The following TENT4A variants were observed in gnomAD, a reference collection of about 807,000 sequenced individuals.
TENT4A encodes the protein DNA polymerase kappa.
In TENT4A, 7 loss-of-function variants were observed where a neutral mutation model predicts 72.8. The observed-to-expected ratio is 0.10, with a 90% confidence interval of 0.05 to 0.18. The LOEUF (loss-of-function observed/expected upper bound fraction) is 0.18, where lower values mean the gene tolerates loss of function less well. Among genes scored for constraint, TENT4A ranks in the 10% least tolerant of loss-of-function variants. The probability of loss-of-function intolerance (pLI) is 1.00; values close to 1 mark genes in which losing one functional copy is unlikely to be tolerated. For synonymous variants in TENT4A, 456 were observed against 434.3 expected, an observed-to-expected ratio of 1.05 and a Z score of -0.62; for missense variants, 831 against 1,017.7, an observed-to-expected ratio of 0.82 and a Z score of 2.50.
In TENT4A at chr5:6,751,099, G is replaced by T. The variant is rs1354892393; in HGVS notation, c.1921G>T (p.Ala641Ser). 1 of 1,614,192 alleles carries T rather than the reference G, an allele frequency of 6.2e-7. No individual in the cohort carries two copies. The highest frequency in any genetic ancestry group is 8.5e-7 in the Non-Finnish European group (1 of 1,180,024). Reference protein sequence around the residue: ...SVYQFSLQAPAPLMAGLPTAL... With the variant: ...SVYQFSLQAPSPLMAGLPTAL... ...TTACCAGTTCAGTCTGCAAGCGCCAGCTCCTCTCATGGCCGGCTTACCCAC... is the reference window on the plus strand; with the variant it reads ...TTACCAGTTCAGTCTGCAAGCGCCATCTCCTCTCATGGCCGGCTTACCCAC... The change falls in exon 11 of 13, where the codon GCT becomes TCT. Residue 641 changes from alanine to serine, a missense_variant. This residue lies in a region of TENT4A where 332 missense variants were observed against 324.3 expected (regional missense o/e 1.02). Transcript: ENST00000230859.
chr5:6,732,577 G>A (rs964740872), intron 1 of TENT4A, among the ~76,000 whole-genome samples: 5 of 152,136 alleles, frequency 3.3e-5, no homozygotes, highest in Non-Finnish European at 7.4e-5. Flanking sequence ...ATTACCTTTC[G>A]ATGGGTTTGG....
rs369670084 is a variant in TENT4A, at chr5:6,754,739, C to G, written c.2185-12C>G. The G allele has an allele frequency of 2.2e-5, 34 of 1,560,582 alleles. No homozygotes were observed. Among genetic ancestry groups the G allele is most frequent in the Non-Finnish European group, 2.6e-5 (30 of 1,144,096 alleles). On this transcript the variant is annotated splice_polypyrimidine_tract_variant and intron_variant, in intron 12 of 12. Coordinates refer to ENST00000230859, the MANE Select transcript of TENT4A (RefSeq NM_006999.6). ...GTCTGGCTCCAACACTGCTGTCTCT[C>G]TCTTTCTCCAGCAGCACAACGGCAT... is the stretch of plus-strand genomic sequence containing the variant.
intron 1 of TENT4A, among the ~76,000 whole-genome samples, chr5:6,727,097 GTGT>G (rs1740970181): frequency 2.0e-5 from 3 of 152,238 alleles, no homozygotes; most frequent in African/African-American, 7.2e-5. Flanking sequence ...CTTTCTCGAT[GTGT>G]CCTTACTCGG....
intron 1 of TENT4A, chr5:6,715,185 T>G (rs1740304018): frequency 6.6e-6 from 1 of 152,274 alleles, no homozygotes; most frequent in Admixed American, 6.5e-5. Flanking sequence ...AGGTGATTCA[T>G]TTTTTGGGGG....
rs369370108 is a variant in TENT4A at position 6,716,050 on chromosome 5, G to C, written c.716+1351G>C. 1.4e-4 allele frequency among the ~76,000 whole-genome samples: 22 copies of C among 152,248 alleles called. No individual in the cohort carries two copies. The East Asian group carries it at 2.3e-3, about 16-fold the overall frequency. On this transcript the variant is annotated intron_variant, in intron 1 of 12. Coordinates refer to ENST00000230859, the MANE Select transcript of TENT4A (RefSeq NM_006999.6). ...ACTGGAATGGACTCCGTTTCTCTTA[G>C]CACTAGAAAAAACAGGAAGACACGT...
At chr5:6,753,950 G>A (rs570707507) in intron 12 of TENT4A, among the ~76,000 whole-genome samples, 11 of 152,256 alleles carry the variant, frequency 7.2e-5, no homozygotes, top group African/African-American at 2.4e-4. Context: ...TGTTTTTCTT[G>A]CTCTGAGACT....
intron 12 of TENT4A, among the ~76,000 whole-genome samples, chr5:6,753,341 T>TTC (rs1173723076): frequency 2.0e-4 from 30 of 152,258 alleles, no homozygotes; most frequent in African/African-American, 7.2e-4. Flanking sequence ...ATTTACATAA[T>TTC]TCATTTATAT....
intron 1 of TENT4A, among the ~76,000 whole-genome samples, chr5:6,727,517 G>A (rs550078362): frequency 2.0e-5 from 3 of 152,298 alleles, no homozygotes; most frequent in South Asian, 2.1e-4. Flanking sequence ...CGCTGCTTGG[G>A]CTGTGCTGGT....
chr5:6,742,749 T>C (rs1424748305), intron 5 of TENT4A, 152 bp downstream of exon 5: 1 of 578,432 alleles, frequency 1.7e-6, no homozygotes, highest in Admixed American at 3.2e-5. Context: ...ATATTATTTC[T>C]AGAGATACTT....
chr5:6,753,145 C>T (rs370380605), intron 12 of TENT4A, 108 bp downstream of exon 12: 33 of 1,161,440 alleles, frequency 2.8e-5, no homozygotes, highest in East Asian at 4.9e-5. Context: ...CATTTGAAAA[C>T]GGAATTTGCT....
chr5:6,746,558 A>T, intron 7 of TENT4A, 131 bp downstream of exon 7: 1 of 696,062 alleles, frequency 1.4e-6, no homozygotes, highest in Non-Finnish European at 2.4e-6. Context: ...CTCTTATACT[A>T]ACCAGTTAAT....
At chr5:6,746,924 T>A (rs1742135643) in intron 7 of TENT4A, among the ~76,000 whole-genome samples, 1 of 152,210 alleles carries the variant, frequency 6.6e-6, no homozygotes, top group African/African-American at 2.4e-5. Flanking sequence ...TTGTGTTTTG[T>A]CGTGAGGATT....
At chr5:6,717,868 CCT>C (rs1393336887) in intron 1 of TENT4A, among the ~76,000 whole-genome samples, 1 of 152,204 alleles carries the variant, frequency 6.6e-6, no homozygotes, top group African/African-American at 2.4e-5. Context: ...GCTTTGGAAA[CCT>C]CTTCAGGTTA....
In TENT4A at chr5:6,714,222, C is replaced by A. The variant is rs1740240363; in HGVS notation, c.239C>A (p.Ala80Glu). 1.0e-6 allele frequency: 1 copy of A among 986,288 alleles called. No individual in the cohort carries two copies. The highest frequency in any genetic ancestry group is 1.8e-5 in the African/African-American group (1 of 56,496). The allele number at this position is 986,288 out of a possible 1,614,324, so 61.1% of individuals were successfully genotyped here. ...AASPPPPGPT[A>E]PAALPPALLT... ...TCGCCCCCGCCGCCCGGCCCCACCGCGCCCGCCGCGCTGCCCCCCGCGCTG... is the reference window on the plus strand; with the variant it reads ...TCGCCCCCGCCGCCCGGCCCCACCGAGCCCGCCGCGCTGCCCCCCGCGCTG... The change falls in exon 1 of 13, where the codon GCG becomes GAG. Residue 80 changes from alanine to glutamate, a missense_variant. This residue lies in a region of TENT4A where 302 missense variants were observed against 293.8 expected (regional missense o/e 1.03). Transcript: ENST00000230859.
rs1382721418 is a variant in TENT4A at position 6,714,550 on chromosome 5, A to G, written c.567A>G (p.Lys189=). ...SQHQFHPGRR[K]RENKASTYGL... ...ACCAGTTCCACCCGGGTCGCCGGAA[A>G]CGCGAGAACAAGGCCAGCACCTACG... Residue 189 remains lysine, a synonymous_variant, in exon 1 of 13, where the codon AAA becomes AAG. Coordinates refer to ENST00000230859, the MANE Select transcript of TENT4A (RefSeq NM_006999.6). The G allele has an allele frequency of 1.2e-5, 14 of 1,196,504 alleles. No homozygotes were observed. The highest frequency in any genetic ancestry group is 1.3e-5 in the Non-Finnish European group (13 of 965,240). 74.1% of individuals were successfully genotyped at this position (1,196,504 alleles called of 1,614,324 possible).
rs1742718455 is a variant in TENT4A at position 6,756,661 on chromosome 5, AAAAATATTT to A, written c.*1729_*1737del. The A allele has an allele frequency of 6.5e-6, 1 of 152,728 alleles. No individual in the cohort carries two copies. Among genetic ancestry groups the A allele is most frequent in the Non-Finnish European group, 1.5e-5 (1 of 68,028 alleles). 9.5% of individuals were successfully genotyped at this position (152,728 alleles called of 1,614,324 possible). A position where few individuals can be genotyped will look rare whatever the true frequency, so the allele number is the denominator to read the frequency against. On this transcript the variant is annotated 3_prime_UTR_variant, in exon 13 of 13. Transcript: ENST00000230859. ...CAGTTCTCGATGACCGAAAGTTATCAAAAATATTTAAAATATTTAAATTGTGAACCTATT... is the reference window on the plus strand; with the variant it reads ...CAGTTCTCGATGACCGAAAGTTATCAAAAATATTTAAATTGTGAACCTATT...
Position 6,756,044 on chromosome 5 carries a change from C to G in TENT4A, c.*1099C>G, listed in dbSNP as rs28381437. 8 of 152,488 alleles carry G rather than the reference C, an allele frequency of 5.2e-5. No homozygotes were observed. Among genetic ancestry groups the G allele is most frequent in the Non-Finnish European group, 1.2e-4 (8 of 68,060 alleles). 9.4% of individuals were successfully genotyped at this position (152,488 alleles called of 1,614,324 possible). ...TCCGTTGAGGAATCTGTAGCGTATGCATTCGTTCTGTTAAGAGCAAATCTA... is the reference window on the plus strand; with the variant it reads ...TCCGTTGAGGAATCTGTAGCGTATGGATTCGTTCTGTTAAGAGCAAATCTA... On this transcript the variant is annotated 3_prime_UTR_variant, in exon 13 of 13. Transcript: ENST00000230859.
intron 8 of TENT4A, 64 bp from the exon 9 acceptor site, chr5:6,749,493 G>A: frequency 9.9e-7 from 1 of 1,012,448 alleles, no homozygotes; most frequent in Non-Finnish European, 1.6e-6. Flanking sequence ...AGCTGTTCGA[G>A]AGGGGTTCTC....
intron 1 of TENT4A, among the ~76,000 whole-genome samples, chr5:6,726,921 G>A (rs978624124): frequency 1.3e-5 from 2 of 152,216 alleles, no homozygotes; most frequent in Admixed American, 6.5e-5. Flanking sequence ...CTTTGTTACC[G>A]GTCCCATCTT....
Sources: allele counts gnomAD v4.1 joint callset (sites outside exome capture counted in the v4.1 genomes callset), GRCh38; gene constraint gnomAD v4.1.1; regional missense constraint gnomAD v4.1.1; transcripts MANE v1.5; gene names NCBI Gene and HGNC (gene_info 2026-07-23, HGNC 2026-07-21).